LAMC2: variants seen among roughly 807,000 people sequenced by gnomAD.
LAMC2 encodes the protein laminin subunit gamma 2.
LAMC2 carries 97 observed loss-of-function variants against 140.2 expected under a neutral mutation model. That is an observed-to-expected ratio of 0.69 (90% CI 0.59 to 0.82). LAMC2 has a LOEUF of 0.82. Ranked by LOEUF, LAMC2 falls within the 40% of genes least tolerant of loss-of-function variation. The pLI, the probability that LAMC2 is intolerant of heterozygous loss-of-function variation, is 0.00. For synonymous variants in LAMC2, 513 were observed against 540.2 expected (o/e 0.95, Z 0.70); for missense variants, 1,402 against 1,476.1 (o/e 0.95, Z 0.82).
intron 2 of LAMC2, among the ~76,000 whole-genome samples, chr1:183,214,037 C>CAAA (rs72025893): frequency 0.044 from 5,199 of 117,452 alleles, 302 homozygotes; most frequent in African/African-American, 0.16. Context: ...AACTTCGTCT[C>CAAA]AAAAAAAAAA....
intron 21 of LAMC2, 25 bp from the exon 22 acceptor site, chr1:183,240,267 C>T: frequency 1.9e-6 from 3 of 1,614,196 alleles, no homozygotes; most frequent in Non-Finnish European, 2.5e-6. Flanking sequence ...CTTTTCAAGG[C>T]TGGTTTGTGC....
At chr1:183,215,368 C>T (rs1258771297) in intron 2 of LAMC2, 85 bp from the exon 3 acceptor site, 1 of 1,498,608 alleles carries the variant, frequency 6.7e-7, no homozygotes, top group Non-Finnish European at 9.2e-7. Context: ...TACGGAGCAC[C>T]CATAGGGTGA....
At chr1:183,255,788 C>T in the LAMC2 span, among the ~76,000 whole-genome samples, 4 of 151,850 alleles carry the variant, frequency 2.6e-5, no homozygotes, top group East Asian at 2.0e-4. Flanking sequence ...CTCGGCCTCC[C>T]GAGTAGCTCG....
intron 1 of LAMC2, among the ~76,000 whole-genome samples, chr1:183,198,629 A>G (rs1478939741): frequency 2.6e-5 from 4 of 152,194 alleles, no homozygotes; most frequent in African/African-American, 9.7e-5. Flanking sequence ...ATGATGCTCA[A>G]ATTCCTAGCT....
At chr1:183,221,022 A>G (rs1381195881) in intron 5 of LAMC2, 61 bp downstream of exon 5, 1 of 1,467,078 alleles carries the variant, frequency 6.8e-7, no homozygotes, top group Non-Finnish European at 9.5e-7. Flanking sequence ...TTGTGTTTAG[A>G]GACAACCACC....
At chr1:183,186,505 T>A (rs1326373310) in intron 1 of LAMC2, 74 bp downstream of exon 1, 2 of 1,504,604 alleles carry the variant, frequency 1.3e-6, no homozygotes, top group Non-Finnish European at 1.8e-6. Flanking sequence ...CCGTGATGGC[T>A]GAACGTACCT....
chr1:183,239,487 G>A lies in LAMC2; in HGVS notation c.2993G>A (p.Gly998Glu). The change falls in exon 20 of 23, where the codon GGG becomes GAG. Residue 998 changes from glycine to glutamate, a missense_variant. By Grantham distance (98) the Gly-to-Glu change is moderately conservative. Transcript: ENST00000264144. ...DKTQQAERAL[G>E]SAAADAQRAK... ...ACCCAGCAAGCAGAAAGAGCCCTGG[G>A]GAGCGCTGCTGCTGATGCACAGAGG... is the stretch of plus-strand genomic sequence containing the variant. 6.2e-7 allele frequency: 1 copy of A among 1,614,034 alleles called. No individual in the cohort carries two copies. Among genetic ancestry groups the A allele is most frequent in the Non-Finnish European group, 8.5e-7 (1 of 1,179,996 alleles).
Position 183,225,710 on chromosome 1 carries a change from T to C in LAMC2, c.1056T>C (p.Tyr352=), listed in dbSNP as rs937781725. 5.6e-6 allele frequency: 9 copies of C among 1,602,968 alleles called. No homozygotes were observed. Among genetic ancestry groups the C allele is most frequent in the African/African-American group, 2.7e-5 (2 of 74,842 alleles). The change falls in exon 8 of 23, where the codon TAT becomes TAC. Residue 352 remains tyrosine (Y), a synonymous_variant. Coordinates refer to ENST00000264144, the MANE Select transcript of LAMC2 (RefSeq NM_005562.3). ...CAGCCCTCCGCATCCGAGCTACATA[T>C]GGAGAATACAGTAAGTGGCTACGAG... is the stretch of plus-strand genomic sequence containing the variant. ...NLTALRIRAT[Y]GEYSTGYIDN...
chr1:183,240,383 A>G lies in LAMC2; in HGVS notation c.3320A>G (p.His1107Arg), dbSNP rs777902042. 5 of 1,614,240 alleles carry G rather than the reference A, an allele frequency of 3.1e-6. No homozygotes were observed. The highest frequency in any genetic ancestry group is 4.2e-6 in the Non-Finnish European group (5 of 1,180,028). Residue 1107 changes from histidine (H) to arginine (R), a missense_variant, in exon 22 of 23, where the codon CAT (histidine) becomes CGT (arginine). By Grantham distance (29) the His-to-Arg change is conservative. Transcript: ENST00000264144. ...CTCAACACATTAGACGGCCTCCTGC[A>G]TCTGATGGGTATGTGAACCCACAAC... The part of the protein sequence containing the change: ...DTLNTLDGLL[H>R]LMDQPLSVDE...
the LAMC2 span, chr1:183,252,458 C>T: frequency 7.6e-6 from 3 of 395,832 alleles, no homozygotes; most frequent in Non-Finnish European, 1.5e-5. Context: ...GAAAGTCTGT[C>T]CAAAGATGAC....
At chr1:183,239,162 C>T (rs1039823133) in intron 19 of LAMC2, among the ~76,000 whole-genome samples, 1 of 152,172 alleles carries the variant, frequency 6.6e-6, no homozygotes, top group Non-Finnish European at 1.5e-5. Flanking sequence ...GGCTGATTGT[C>T]GGTTTCTCTA....
At chr1:183,214,831 C>T (rs1380097495) in intron 2 of LAMC2, among the ~76,000 whole-genome samples, 1 of 152,142 alleles carries the variant, frequency 6.6e-6, no homozygotes. Context: ...CATGAACACT[C>T]AATCTGAGAG....
In LAMC2 at chr1:183,236,490, G is replaced by GT. The variant is rs774734592; in HGVS notation, c.2489dup (p.Leu830PhefsTer11). ...AGAAAACCAAGTCCCTGGCCCAGCA[G>GT]TTGACAAGGGAGGCCACTCAAGCGG... On this transcript the variant is annotated frameshift_variant, in exon 17 of 23. Transcript: ENST00000264144. LOFTEE classifies it high-confidence loss of function. 2 of 1,613,680 alleles carry GT rather than the reference G, an allele frequency of 1.2e-6. No homozygotes were observed. Among genetic ancestry groups the GT allele is most frequent in the Non-Finnish European group, 1.7e-6 (2 of 1,179,928 alleles).
Position 183,195,760 on chromosome 1 carries a change from C to G in LAMC2, c.79+9329C>G, listed in dbSNP as rs575192852. 2.3e-5 allele frequency among the ~76,000 whole-genome samples: 3 copies of G among 128,784 alleles called. No homozygotes were observed. The South Asian group carries it at 7.3e-4, about 31-fold the overall frequency. 84.5% of individuals were successfully genotyped at this position (128,784 alleles called of 152,430 possible). On this transcript the variant is annotated intron_variant, in intron 1 of 22. Transcript: ENST00000264144. ...TGTGACATTCTTTAAGAAGATAAAA[C>G]TAGAAGCAGATATTCACACATTAAA...
chr1:183,256,130 G>A, the LAMC2 span, among the ~76,000 whole-genome samples: 178 of 152,146 alleles, frequency 1.2e-3, no homozygotes, highest in African/African-American at 3.7e-3. Context: ...TTGCCTTGCC[G>A]GGAGTGGTGG....
intron 12 of LAMC2, among the ~76,000 whole-genome samples, chr1:183,231,840 C>A (rs1659809611): frequency 6.6e-6 from 1 of 152,190 alleles, no homozygotes; most frequent in African/African-American, 2.4e-5. Flanking sequence ...GTTCTCTTGT[C>A]TCTAGCTTGC....
At chr1:183,199,097 CTTTTTTTTTTT>C (rs906113983) in intron 1 of LAMC2, among the ~76,000 whole-genome samples, 1,021 of 67,636 alleles carry the variant, frequency 0.015, 19 homozygotes, top group Non-Finnish European at 0.018. Flanking sequence ...GTTGGCTTTT[CTTTTTTTTTTT>C]TTTTTTTTTT....
In LAMC2 at chr1:183,186,446, A is replaced by G. The variant is rs778324521; in HGVS notation, c.79+15A>G. 8 of 1,601,624 alleles carry G rather than the reference A, an allele frequency of 5.0e-6. No homozygotes were observed. In the South Asian group the frequency reaches 6.6e-5, roughly 13 times the overall value. Reference sequence around the variant, plus strand: ...CAGGAGGGAAGGTGAGTCGGCTTCCACAAGGAAACATCTCAGCCCTGGGCT... The same window carrying G: ...CAGGAGGGAAGGTGAGTCGGCTTCCGCAAGGAAACATCTCAGCCCTGGGCT... On this transcript the variant is annotated intron_variant, in intron 1 of 22. Transcript: ENST00000264144.
Position 183,228,467 on chromosome 1 carries a change from A to C in LAMC2, c.1562A>C (p.Asn521Thr). The C allele has an allele frequency of 6.2e-7, 1 of 1,613,940 alleles. No individual in the cohort carries two copies. The highest frequency in any genetic ancestry group is 8.5e-7 in the Non-Finnish European group (1 of 1,179,980). The change falls in exon 11 of 23, where the codon AAC (asparagine) becomes ACC (threonine). Residue 521 changes from asparagine (N) to threonine (T), a missense_variant. By Grantham distance (65) the Asn-to-Thr change is moderately conservative. Transcript: ENST00000264144. The surrounding 1 kb of genome is among the most constrained non-coding windows in gnomAD (Gnocchi z 4.3). ...VRPCQPCQCNNNVDPSASGNC... is the reference protein window; with the variant it reads ...VRPCQPCQCNTNVDPSASGNC... ...CCTTGTCAGCCCTGTCAATGCAACA[A>C]CAATGTGGACCCCAGTGCCTCTGGG...
Sources: gnomAD v4.1 joint callset for allele counts (sites outside exome capture counted in the v4.1 genomes callset) on GRCh38, gnomAD v4.1.1 for gene constraint, Gnocchi (gnomAD v3.1) non-coding constraint, MANE v1.5 for transcripts, NCBI Gene and HGNC (gene_info 2026-07-23, HGNC 2026-07-21) for gene names.